SDCCAG8: variants seen among roughly 807,000 people sequenced by gnomAD.
The protein encoded by SDCCAG8 is SHH signaling and ciliogenesis regulator SDCCAG8.
In SDCCAG8, 74 loss-of-function variants were observed where a neutral mutation model predicts 101.8. The ratio of observed to expected loss-of-function variants is 0.73; its 90% CI spans 0.60 to 0.88. SDCCAG8 has a LOEUF of 0.88. Ranked by LOEUF, SDCCAG8 falls within the 40% of genes least tolerant of loss-of-function variation. The probability of loss-of-function intolerance (pLI) is 0.00; values close to 1 mark genes in which losing one functional copy is unlikely to be tolerated. For missense variants in SDCCAG8, 787 were observed against 822.6 expected (o/e 0.96, Z 0.53); for synonymous variants, 281 against 292.9 (o/e 0.96, Z 0.41).
At chr1:243,476,287 T>G (rs1662396740) in intron 16 of SDCCAG8, 4 of 985,380 alleles carry the variant, frequency 4.1e-6, no homozygotes, top group Non-Finnish European at 4.8e-6. Flanking sequence ...CTTTCAGCAT[T>G]GACGGTTCCG....
At chr1:243,337,103 G>A (rs2075063370) in intron 10 of SDCCAG8, among the ~76,000 whole-genome samples, 1 of 152,028 alleles carries the variant, frequency 6.6e-6, no homozygotes, top group Non-Finnish European at 1.5e-5. Flanking sequence ...CCGGAATGGT[G>A]TTTCCTAGGT....
intron 15 of SDCCAG8, among the ~76,000 whole-genome samples, chr1:243,422,604 C>A (rs1289322607): frequency 1.3e-5 from 2 of 152,178 alleles, no homozygotes; most frequent in African/African-American, 2.4e-5. Context: ...AGAACACACA[C>A]CCGGTTGAAC....
chr1:243,333,306 G>A (rs892755618), intron 10 of SDCCAG8, among the ~76,000 whole-genome samples: 26 of 152,064 alleles, frequency 1.7e-4, no homozygotes, highest in Non-Finnish European at 3.4e-4. Flanking sequence ...GTCTCTTACT[G>A]TTGAAAGGAA....
chr1:243,426,460 G>T lies in SDCCAG8; in HGVS notation c.1887G>T (p.Arg629Ser), dbSNP rs765653727. 3 of 1,613,692 alleles carry T rather than the reference G, an allele frequency of 1.9e-6. No homozygotes were observed. In the East Asian group the frequency reaches 6.7e-5, roughly 36 times the overall value. The change falls in exon 16 of 18, where the codon AGG becomes AGT. Residue 629 changes from arginine to serine, a missense_variant. Physicochemically the swap from Arg to Ser is moderately radical, Grantham distance 110. Transcript: ENST00000366541. ...SEIAQLSQEK[R>S]YTYDKLGKLQ... ...TAGCTCAACTCAGTCAAGAAAAAAG[G>T]TATACATATGATAAATTGGGAAAGT...
chr1:243,417,710 TATTAAC>T (rs2080692065), intron 14 of SDCCAG8, among the ~76,000 whole-genome samples: 3 of 152,218 alleles, frequency 2.0e-5, no homozygotes, highest in Admixed American at 2.0e-4. Context: ...TTTGACACTT[TATTAAC>T]ATGTTAAAAT....
At chr1:243,283,416 TAC>T (rs1414312939) in intron 4 of SDCCAG8, among the ~76,000 whole-genome samples, 3 of 138,480 alleles carry the variant, frequency 2.2e-5, no homozygotes, top group South Asian at 4.3e-4. Context: ...TATATATATA[TAC>T]ATGTATATAT....
chr1:243,380,157 A>G (rs1167113672), intron 13 of SDCCAG8, among the ~76,000 whole-genome samples: 2 of 152,326 alleles, frequency 1.3e-5, no homozygotes, highest in African/African-American at 4.8e-5. Flanking sequence ...AAAAAATCCT[A>G]ATAGATGAAA....
intron 15 of SDCCAG8, among the ~76,000 whole-genome samples, chr1:243,419,899 A>T (rs1429086089): frequency 6.6e-6 from 1 of 152,172 alleles, no homozygotes; most frequent in Non-Finnish European, 1.5e-5. Context: ...TAGATCTGTC[A>T]TCTTAGCCTG....
intron 17 of SDCCAG8, among the ~76,000 whole-genome samples, chr1:243,494,454 A>C (rs1200640394): frequency 6.6e-6 from 1 of 152,234 alleles, no homozygotes; most frequent in Non-Finnish European, 1.5e-5. Flanking sequence ...GTGTTTTTAA[A>C]AAATGACACA....
At chr1:243,380,669 G>T (rs1282056788) in intron 13 of SDCCAG8, among the ~76,000 whole-genome samples, 1 of 151,570 alleles carries the variant, frequency 6.6e-6, no homozygotes, top group Non-Finnish European at 1.5e-5. Flanking sequence ...GTTTTGCTTG[G>T]TTCCATAGAA....
intron 10 of SDCCAG8, among the ~76,000 whole-genome samples, chr1:243,337,691 C>T (rs2075105561): frequency 6.6e-6 from 1 of 152,136 alleles, no homozygotes; most frequent in African/African-American, 2.4e-5. Flanking sequence ...GTCTGACTTA[C>T]CGTGGGCATT....
intron 9 of SDCCAG8, among the ~76,000 whole-genome samples, chr1:243,317,847 G>A (rs1400766907): frequency 6.6e-6 from 1 of 152,178 alleles, no homozygotes; most frequent in Non-Finnish European, 1.5e-5. Flanking sequence ...GCCACGTGTA[G>A]CAAATATTGG....
chr1:243,310,271 A>G (rs538641104), intron 8 of SDCCAG8, among the ~76,000 whole-genome samples: 7 of 152,138 alleles, frequency 4.6e-5, no homozygotes, highest in African/African-American at 1.7e-4. Flanking sequence ...ACTATTAAAC[A>G]TGTATTAACT....
chr1:243,496,014 A>C (rs1305594063), intron 17 of SDCCAG8, among the ~76,000 whole-genome samples: 2 of 152,242 alleles, frequency 1.3e-5, no homozygotes, highest in African/African-American at 4.8e-5. Flanking sequence ...AGAAAAAGAA[A>C]GAACCAGCTT....
chr1:243,344,097 T>G (rs2075552147), intron 11 of SDCCAG8, 118 bp from the exon 12 acceptor site: 3 of 796,682 alleles, frequency 3.8e-6, no homozygotes, highest in African/African-American at 1.7e-5. Flanking sequence ...ATGGCATTCT[T>G]AGAAAAGTTT....
At chr1:243,273,411 T>C (rs902086220) in intron 3 of SDCCAG8, among the ~76,000 whole-genome samples, 2 of 152,208 alleles carry the variant, frequency 1.3e-5, no homozygotes, top group Non-Finnish European at 2.9e-5. Context: ...CAAACTATTT[T>C]AGGATAAGGT....
At chr1:243,435,388 T>C (rs2082064529) in intron 16 of SDCCAG8, among the ~76,000 whole-genome samples, 1 of 152,234 alleles carries the variant, frequency 6.6e-6, no homozygotes, top group African/African-American at 2.4e-5. Flanking sequence ...AAAAGGTCTT[T>C]AGAATAGTTC....
chr1:243,293,784 T>C (rs2070510624), intron 6 of SDCCAG8, among the ~76,000 whole-genome samples: 1 of 152,198 alleles, frequency 6.6e-6, no homozygotes, highest in African/African-American at 2.4e-5. Flanking sequence ...TTTCAATTAT[T>C]TTAAGTATAT....
At chr1:243,412,487 G>C (rs993816261) in intron 13 of SDCCAG8, among the ~76,000 whole-genome samples, 3 of 152,208 alleles carry the variant, frequency 2.0e-5, no homozygotes, top group Non-Finnish European at 4.4e-5. Flanking sequence ...AGAGTAAGCT[G>C]TCCAACTGGC....
Sources: allele counts gnomAD v4.1 joint callset (sites outside exome capture counted in the v4.1 genomes callset), GRCh38; gene constraint gnomAD v4.1.1; transcripts MANE v1.5; gene names NCBI Gene and HGNC (gene_info 2026-07-23, HGNC 2026-07-21).